DPF3: variants seen among roughly 807,000 people sequenced by gnomAD.
DPF3 encodes double PHD fingers 3.
In DPF3, 18 loss-of-function variants were observed where a neutral mutation model predicts 56.8. That is an observed-to-expected ratio of 0.32 (90% CI 0.22 to 0.47). DPF3 has a LOEUF of 0.47. DPF3 is among the 20% of genes least tolerant of loss of function. DPF3 has a pLI of 1.00. For synonymous variants in DPF3, 188 were observed against 180.2 expected, an observed-to-expected ratio of 1.04 and a Z score of -0.35; for missense variants, 403 against 488.8, an observed-to-expected ratio of 0.82 and a Z score of 1.65.
intron 1 of DPF3, among the ~76,000 whole-genome samples, chr14:72,848,946 G>C (rs759522174): frequency 1.3e-5 from 2 of 152,184 alleles, no homozygotes; most frequent in Middle Eastern, 3.4e-3. Flanking sequence ...TGTACTAAGC[G>C]CTTCACATAC....
Position 72,612,877 on chromosome 14 carries a change from C to T in DPF3, c.*6420G>A, listed in dbSNP as rs190169274. Among the ~76,000 whole-genome samples the T allele has an allele frequency of 2.6e-5, 4 of 152,282 alleles. No individual in the cohort carries two copies. In the East Asian group the frequency reaches 7.7e-4, roughly 29 times the overall value. The stretch of plus-strand genomic sequence containing the variant: ...CTGGTGGCTGTGCAGAGGCTGAGAG[C>T]TGGAGGAGCAGGACTGGAGAAGACT... On this transcript the variant is annotated 3_prime_UTR_variant, in exon 11 of 11. Coordinates refer to ENST00000556509, the MANE Select transcript of DPF3 (RefSeq NM_001280542.3).
chr14:72,859,560 C>T (rs569053626), intron 1 of DPF3, among the ~76,000 whole-genome samples: 13 of 145,642 alleles, frequency 8.9e-5, no homozygotes, highest in Admixed American at 6.6e-4. Flanking sequence ...CATCCCTCTT[C>T]GACCTTACCC....
chr14:72,853,019 T>G (rs1353276582), intron 1 of DPF3, among the ~76,000 whole-genome samples: 4 of 85,178 alleles, frequency 4.7e-5, no homozygotes, highest in Non-Finnish European at 1.1e-4. Context: ...CAACAACTAT[T>G]CTGCCATAGC....
At chr14:72,800,533 GATGGATGCACAGATGGATGTATGGATGC>G (rs953844638) in intron 1 of DPF3, among the ~76,000 whole-genome samples, 1 of 151,934 alleles carries the variant, frequency 6.6e-6, no homozygotes, top group African/African-American at 2.4e-5. Context: ...TGCATGGATG[GATGGATGCACAGATGGATGTATGGATGC>G]ATGGATGCAT....
intron 1 of DPF3, among the ~76,000 whole-genome samples, chr14:72,805,019 A>T (rs1161486811): frequency 9.7e-6 from 1 of 103,094 alleles, no homozygotes; most frequent in Non-Finnish European, 2.1e-5. Context: ...TCAGCTTCCT[A>T]CTGTGTAAAA....
chr14:72,731,992 G>A, intron 3 of DPF3, 58 bp from the exon 4 acceptor site: 2 of 1,546,696 alleles, frequency 1.3e-6, no homozygotes, highest in South Asian at 1.2e-5. Context: ...GGGCAGGAGG[G>A]ACAGTCCTGG....
chr14:72,884,332 G>C (rs933181740), intron 1 of DPF3, among the ~76,000 whole-genome samples: 1 of 152,166 alleles, frequency 6.6e-6, no homozygotes, highest in African/African-American at 2.4e-5. Context: ...ACAATGATTA[G>C]ATGTGATGGG....
At chr14:72,768,487 C>T (rs1891381887) in intron 2 of DPF3, among the ~76,000 whole-genome samples, 1 of 152,156 alleles carries the variant, frequency 6.6e-6, no homozygotes, top group South Asian at 2.1e-4. Context: ...TACATATACA[C>T]ATTTTACCAA....
At chr14:72,634,606 C>A (rs1270238522) in intron 8 of DPF3, among the ~76,000 whole-genome samples, 2 of 152,034 alleles carry the variant, frequency 1.3e-5, no homozygotes, top group African/African-American at 2.4e-5. Flanking sequence ...ATTTGAGGAT[C>A]CCTATCTTAA....
At position 72,789,001 on chromosome 14, in the gene DPF3, T is replaced by C. The variant is rs558277595; in HGVS notation, c.33-17108A>G. 3.7e-4 allele frequency among the ~76,000 whole-genome samples: 57 copies of C among 152,354 alleles called. 1 individual carries two copies. The East Asian group carries it at 4.6e-3, about 12-fold the overall frequency. ...TTCACATCCCTCCTCAAAGCCTTCC[T>C]ATCCCCAGTCCAGCCCTCCAGTGAG... On this transcript the variant is annotated intron_variant, in intron 1 of 10. Transcript: ENST00000556509.
intron 8 of DPF3, among the ~76,000 whole-genome samples, chr14:72,651,830 TG>T (rs368319892): frequency 1.1e-4 from 16 of 152,278 alleles, no homozygotes; most frequent in African/African-American, 3.6e-4. Flanking sequence ...CTGCCCAGCA[TG>T]GGGCAGGCTG....
chr14:72,654,343 A>G (rs1202991033), intron 8 of DPF3, among the ~76,000 whole-genome samples: 1 of 149,836 alleles, frequency 6.7e-6, no homozygotes, highest in Non-Finnish European at 1.5e-5. Context: ...CCCCAACTCT[A>G]TGCCTCTTTC....
Position 72,889,957 on chromosome 14 carries a change from G to T in DPF3, c.32+4100C>A, listed in dbSNP as rs547137959. On this transcript the variant is annotated intron_variant, in intron 1 of 10. Transcript: ENST00000556509. ...GGTCTCTTTATAAATAATTACTTAA[G>T]GTAAAGCCCTGTTGGTTCATATGGA... 5.1e-4 allele frequency among the ~76,000 whole-genome samples: 78 copies of T among 152,174 alleles called. 1 individual carries two copies. Among genetic ancestry groups the T allele is most frequent in the Non-Finnish European group, 9.9e-4 (67 of 68,010 alleles).
At chr14:72,770,050 C>T (rs566851413) in intron 2 of DPF3, among the ~76,000 whole-genome samples, 5 of 152,226 alleles carry the variant, frequency 3.3e-5, no homozygotes, top group African/African-American at 1.2e-4. Flanking sequence ...TGAATATTAA[C>T]TTTTTGCAAC....
intron 1 of DPF3, among the ~76,000 whole-genome samples, chr14:72,831,770 T>C (rs1884070719): frequency 6.6e-6 from 1 of 152,228 alleles, no homozygotes; most frequent in Non-Finnish European, 1.5e-5. Context: ...TATAGATGTG[T>C]GCTCACACAG....
At chr14:72,809,570 G>T (rs1020303955) in intron 1 of DPF3, among the ~76,000 whole-genome samples, 4 of 152,234 alleles carry the variant, frequency 2.6e-5, no homozygotes, top group African/African-American at 9.6e-5. Flanking sequence ...GGTCACACCT[G>T]CCCTTCCTTT....
chr14:72,658,747 T>C (rs1886124712), intron 8 of DPF3, among the ~76,000 whole-genome samples: 1 of 152,150 alleles, frequency 6.6e-6, no homozygotes, highest in East Asian at 1.9e-4. Context: ...AGGATACTGC[T>C]AGAGGCATCC....
At chr14:72,857,454 T>A (rs193156377) in intron 1 of DPF3, among the ~76,000 whole-genome samples, 10 of 152,338 alleles carry the variant, frequency 6.6e-5, no homozygotes, top group Admixed American at 6.5e-5. Context: ...TTTCAATTGA[T>A]AATCCCCGAA....
chr14:72,666,737 C>T (rs1350422203), intron 8 of DPF3, among the ~76,000 whole-genome samples: 1 of 152,130 alleles, frequency 6.6e-6, no homozygotes, highest in Non-Finnish European at 1.5e-5. Context: ...GAGCCCAGAG[C>T]CCAGAACTTG....
Sources: allele counts gnomAD v4.1 joint callset (sites outside exome capture counted in the v4.1 genomes callset), GRCh38; gene constraint gnomAD v4.1.1; transcripts MANE v1.5; gene names NCBI Gene and HGNC (gene_info 2026-07-23, HGNC 2026-07-21).